The following AHCYL2 variants were observed in gnomAD, a reference collection of about 807,000 sequenced individuals.
AHCYL2 encodes the protein adenosylhomocysteinase like 2.
AHCYL2 carries 28 observed loss-of-function variants against 81.4 expected under a neutral mutation model. That is an observed-to-expected ratio of 0.34 (90% CI 0.25 to 0.47). The LOEUF is 0.47. Among genes scored for constraint, AHCYL2 ranks in the 20% least tolerant of loss-of-function variants. The pLI is 1.00. For synonymous variants in AHCYL2, 272 were observed against 290.2 expected (o/e 0.94, Z 0.64); for missense variants, 551 against 785.1 (o/e 0.70, Z 3.56).
At chr7:129,258,442 A>G (rs776433861) in intron 1 of AHCYL2, among the ~76,000 whole-genome samples, 3 of 152,016 alleles carry the variant, frequency 2.0e-5, no homozygotes, top group Non-Finnish European at 2.9e-5. Context: ...AGACTTCTCC[A>G]TGTTCTTTTA....
At chr7:129,379,021 C>T (rs1028256960) in intron 1 of AHCYL2, among the ~76,000 whole-genome samples, 1 of 152,210 alleles carries the variant, frequency 6.6e-6, no homozygotes, top group African/African-American at 2.4e-5. Flanking sequence ...TGGCTCATGC[C>T]TATAATCCCA....
At chr7:129,303,069 T>C (rs1286248005) in intron 1 of AHCYL2, among the ~76,000 whole-genome samples, 2 of 152,144 alleles carry the variant, frequency 1.3e-5, no homozygotes, top group African/African-American at 4.8e-5. Flanking sequence ...GACGTGATCT[T>C]GGCTCACCGC....
intron 1 of AHCYL2, among the ~76,000 whole-genome samples, chr7:129,373,549 G>A (rs1021491681): frequency 2.0e-5 from 3 of 151,932 alleles, no homozygotes; most frequent in South Asian, 2.1e-4. Context: ...GCAGTGAGCC[G>A]AGATCGCGCC....
rs151241203 is a variant in AHCYL2 at position 129,348,197 on chromosome 7, C to T, written c.364-31441C>T. 3.0e-3 allele frequency among the ~76,000 whole-genome samples: 455 copies of T among 152,280 alleles called. 3 individuals are homozygous for T. The highest frequency in any genetic ancestry group is 0.01 in the African/African-American group (433 of 41,538). On this transcript the variant is annotated intron_variant, in intron 1 of 16. Coordinates refer to ENST00000325006, the MANE Select transcript of AHCYL2 (RefSeq NM_015328.4). ...ACAAATAGCACAAGGTAGGAGCAAT[C>T]TAAATGTCCGTTGGCAGGGAACTGG... is the stretch of plus-strand genomic sequence containing the variant.
At chr7:129,362,609 T>G (rs897095641) in intron 1 of AHCYL2, among the ~76,000 whole-genome samples, 37 of 145,208 alleles carry the variant, frequency 2.5e-4, no homozygotes, top group South Asian at 4.5e-4. Context: ...TTTTTTTTTT[T>G]TTTTTTTTTT....
chr7:129,267,346 C>T (rs1795850003), intron 1 of AHCYL2, among the ~76,000 whole-genome samples: 1 of 151,568 alleles, frequency 6.6e-6, no homozygotes, highest in Non-Finnish European at 1.5e-5. Flanking sequence ...CTCTTGTCGC[C>T]CAGGCTGGAG....
At chr7:129,293,091 A>G (rs1481879587) in intron 1 of AHCYL2, among the ~76,000 whole-genome samples, 1 of 151,922 alleles carries the variant, frequency 6.6e-6, no homozygotes, top group East Asian at 1.9e-4. Flanking sequence ...CTGTGATTAT[A>G]GGCGCTTGCC....
rs57520263 is a variant in AHCYL2 at position 129,289,885 on chromosome 7, T to C, written c.363+64446T>C. Among the ~76,000 whole-genome samples, 510 of 151,938 alleles carry C rather than the reference T, an allele frequency of 3.4e-3. 1 individual carries two copies. The highest frequency in any genetic ancestry group is 0.012 in the African/African-American group (493 of 41,426). On this transcript the variant is annotated intron_variant, in intron 1 of 16. Transcript: ENST00000325006. ...GCAACCTCCGCCTCTAGGGTTCAAG[T>C]GATTCTCCTGCCTCAGTCTCCTGAG...
At chr7:129,276,035 C>T (rs558327401) in intron 1 of AHCYL2, among the ~76,000 whole-genome samples, 2 of 152,134 alleles carry the variant, frequency 1.3e-5, no homozygotes, top group East Asian at 1.9e-4. Flanking sequence ...AAACTATTCT[C>T]GTACTCAATT....
At chr7:129,275,363 C>T (rs1041224829) in intron 1 of AHCYL2, among the ~76,000 whole-genome samples, 6 of 152,124 alleles carry the variant, frequency 3.9e-5, no homozygotes, top group Admixed American at 3.3e-4. Flanking sequence ...GATTGTGCCA[C>T]TGCACTCCAG....
At chr7:129,307,148 A>G (rs1797472687) in intron 1 of AHCYL2, among the ~76,000 whole-genome samples, 1 of 152,002 alleles carries the variant, frequency 6.6e-6, no homozygotes, top group Admixed American at 6.5e-5. Flanking sequence ...TACAGTCAGC[A>G]GGTAGTGAAG....
chr7:129,366,359 A>G (rs951689199), intron 1 of AHCYL2, among the ~76,000 whole-genome samples: 13 of 152,124 alleles, frequency 8.5e-5, no homozygotes, highest in African/African-American at 2.9e-4. Context: ...TACCTCTTCC[A>G]TAGATATTAC....
chr7:129,373,416 TA>T (rs34203815), intron 1 of AHCYL2, among the ~76,000 whole-genome samples: 45,007 of 150,638 alleles, frequency 0.3, 6,849 homozygotes, highest in South Asian at 0.37. Context: ...CTGTCTCTAC[TA>T]AAAAAAACAA....
In AHCYL2 at chr7:129,368,671, C is replaced by A; in HGVS notation, c.364-10967C>A. 8.4e-7 allele frequency: 1 copy of A among 1,195,688 alleles called. No homozygotes were observed. The highest frequency in any genetic ancestry group is 1.3e-5 in the South Asian group (1 of 76,788). The allele number at this position is 1,195,688 out of a possible 1,614,324, so 74.1% of individuals were successfully genotyped here. A position where few individuals can be genotyped will look rare whatever the true frequency, so the allele number is the denominator to read the frequency against. On this transcript the variant is annotated intron_variant, in intron 1 of 16. Transcript: ENST00000325006. This position sits in a 1 kb window ranked among gnomAD's most constrained non-coding sequence, Gnocchi z 4.4. ...CTACCAAGATCCGTGGTTGGAAAAA[C>A]AGTTATTACTCTACGTTCTGATTAG...
At chr7:129,265,122 G>C (rs1486768897) in intron 1 of AHCYL2, among the ~76,000 whole-genome samples, 1 of 152,110 alleles carries the variant, frequency 6.6e-6, no homozygotes, top group African/African-American at 2.4e-5. Context: ...TGGTGTGATG[G>C]CTCCTCCACA....
At chr7:129,425,573 C>A (rs1196331211) in intron 15 of AHCYL2, among the ~76,000 whole-genome samples, 1 of 152,204 alleles carries the variant, frequency 6.6e-6, no homozygotes, top group Non-Finnish European at 1.5e-5. Context: ...AACACCAATC[C>A]CAGTGCTTCA....
rs947162447 is a variant in AHCYL2, at chr7:129,315,645, G to C, written c.364-63993G>C. Among the ~76,000 whole-genome samples the C allele has an allele frequency of 7.2e-5, 11 of 152,196 alleles. 1 individual carries two copies. The highest frequency in any genetic ancestry group is 2.4e-4 in the African/African-American group (10 of 41,442). On this transcript the variant is annotated intron_variant, in intron 1 of 16. Transcript: ENST00000325006. ...TGAGTTGCTTGAGGGCAAAAGCTAT[G>C]TATTTACCTTTATCCACAACACCTG...
chr7:129,384,188 C>G (rs964142925), intron 2 of AHCYL2, among the ~76,000 whole-genome samples: 1 of 150,506 alleles, frequency 6.6e-6, no homozygotes, highest in Non-Finnish European at 1.5e-5. Flanking sequence ...TCAAATTTTC[C>G]TCCTTTATTT....
intron 12 of AHCYL2, among the ~76,000 whole-genome samples, chr7:129,415,028 C>G (rs1796777036): frequency 6.6e-6 from 1 of 152,228 alleles, no homozygotes; most frequent in Admixed American, 6.5e-5. Flanking sequence ...AAGCCCCTTT[C>G]TACCCTGGGG....
Sources: allele counts gnomAD v4.1 joint callset (sites outside exome capture counted in the v4.1 genomes callset), GRCh38; gene constraint gnomAD v4.1.1; non-coding constraint Gnocchi (gnomAD v3.1); transcripts MANE v1.5; gene names NCBI Gene and HGNC (gene_info 2026-07-23, HGNC 2026-07-21).